FHOD3: variants seen among roughly 807,000 people sequenced by gnomAD.
The protein encoded by FHOD3 is FH1/FH2 domain-containing protein 3.
FHOD3 carries 90 observed loss-of-function variants against 173.0 expected under a neutral mutation model. The observed-to-expected ratio is 0.52, with a 90% CI of 0.44 to 0.62. The LOEUF (loss-of-function observed/expected upper bound fraction) is 0.62, where lower values mean the gene tolerates loss of function less well. FHOD3 is among the 20% of genes least tolerant of loss of function. The pLI, the probability that FHOD3 is intolerant of heterozygous loss-of-function variation, is 0.00. For synonymous variants in FHOD3, 828 were observed against 823.0 expected, an observed-to-expected ratio of 1.01 and a Z score of -0.10; for missense variants, 1,945 against 2,034.7, an observed-to-expected ratio of 0.96 and a Z score of 0.85.
intron 1 of FHOD3, among the ~76,000 whole-genome samples, chr18:36,304,576 A>G (rs1308325485): frequency 6.6e-6 from 1 of 152,016 alleles, no homozygotes; most frequent in East Asian, 1.9e-4. Flanking sequence ...TCATACCTCC[A>G]ATGATACTTT....
chr18:36,432,831 A>G (rs1001145010), intron 3 of FHOD3, among the ~76,000 whole-genome samples: 2 of 152,208 alleles, frequency 1.3e-5, no homozygotes, highest in Non-Finnish European at 2.9e-5. Flanking sequence ...GGAGCAAGGG[A>G]CAGCGTAGCT....
At chr18:36,407,092 C>T (rs552577040) in intron 3 of FHOD3, among the ~76,000 whole-genome samples, 1 of 152,308 alleles carries the variant, frequency 6.6e-6, no homozygotes, top group South Asian at 2.1e-4. Flanking sequence ...CCTCTGCTTT[C>T]CCTGTCAGTC....
chr18:36,470,167 A>G lies in FHOD3; in HGVS notation c.338-31765A>G, dbSNP rs114617254. 3.7e-3 allele frequency among the ~76,000 whole-genome samples: 563 copies of G among 152,078 alleles called. 1 individual carries two copies. Among genetic ancestry groups the G allele is most frequent in the African/African-American group, 0.013 (534 of 41,482 alleles). ...GTCCTAGGAACGTGGCAGTTAGCAT[A>G]CCCTTGTGAAGTCTGGAGGCCTCCG... On this transcript the variant is annotated intron_variant, in intron 3 of 28. Transcript: ENST00000590592.
chr18:36,706,793 A>G (rs1472042784), intron 17 of FHOD3, among the ~76,000 whole-genome samples: 1 of 152,214 alleles, frequency 6.6e-6, no homozygotes, highest in African/African-American at 2.4e-5. Flanking sequence ...CCATATGCTT[A>G]CCAATTAAAA....
intron 3 of FHOD3, among the ~76,000 whole-genome samples, chr18:36,447,721 G>A (rs1380970892): frequency 2.0e-5 from 3 of 152,196 alleles, no homozygotes; most frequent in Non-Finnish European, 2.9e-5. Flanking sequence ...GAAAGCAACC[G>A]TAATGTTTAA....
At chr18:36,375,592 G>A (rs1452779998) in intron 3 of FHOD3, among the ~76,000 whole-genome samples, 2 of 152,234 alleles carry the variant, frequency 1.3e-5, no homozygotes, top group African/African-American at 4.8e-5. Flanking sequence ...TGAGTTGGAG[G>A]TGAGGTGCTT....
At chr18:36,689,812 T>C (rs2038850131) in intron 16 of FHOD3, among the ~76,000 whole-genome samples, 1 of 152,036 alleles carries the variant, frequency 6.6e-6, no homozygotes, top group South Asian at 2.1e-4. Context: ...AAAGAAAAGG[T>C]TGGAACTGGG....
chr18:36,519,776 T>C (rs2146535272), intron 5 of FHOD3, among the ~76,000 whole-genome samples: 1 of 152,288 alleles, frequency 6.6e-6, no homozygotes, highest in Non-Finnish European at 1.5e-5. Context: ...CCTGAGCCCT[T>C]TACCTCATTG....
chr18:36,481,232 G>A (rs2053876801), intron 3 of FHOD3, among the ~76,000 whole-genome samples: 1 of 151,950 alleles, frequency 6.6e-6, no homozygotes, highest in South Asian at 2.1e-4. Context: ...TCTTTTCTTA[G>A]TAAATTGCCT....
intron 3 of FHOD3, among the ~76,000 whole-genome samples, chr18:36,416,325 GC>G (rs1202411313): frequency 6.6e-6 from 1 of 152,218 alleles, no homozygotes; most frequent in Non-Finnish European, 1.5e-5. Flanking sequence ...GAGCCACCAT[GC>G]CCACCCAGGT....
chr18:36,548,008 A>T (rs766631541), intron 5 of FHOD3, among the ~76,000 whole-genome samples: 5 of 152,240 alleles, frequency 3.3e-5, no homozygotes, highest in African/African-American at 4.8e-5. Flanking sequence ...CCTGGCCAAC[A>T]TGGTGAAACC....
intron 3 of FHOD3, among the ~76,000 whole-genome samples, chr18:36,423,664 T>C (rs1336801101): frequency 6.6e-6 from 1 of 152,178 alleles, no homozygotes; most frequent in Admixed American, 6.5e-5. Flanking sequence ...GTGTCAACAG[T>C]ACACACTTCT....
At position 36,755,326 on chromosome 18, in the gene FHOD3, A is replaced by G. The variant is rs780320903; in HGVS notation, c.4425+15A>G. The G allele has an allele frequency of 1.8e-5, 27 of 1,534,170 alleles. No homozygotes were observed. In the Admixed American group the frequency reaches 3.7e-4, roughly 21 times the overall value. The stretch of plus-strand genomic sequence containing the variant: ...TGATCACCGATGTAAGTTTCACACA[A>G]TCCCTCTCCTTATGTCATTCGTTTT... On this transcript the variant is annotated intron_variant, in intron 25 of 28. Transcript: ENST00000590592.
chr18:36,365,722 A>G (rs1482398453), intron 2 of FHOD3, among the ~76,000 whole-genome samples: 1 of 152,164 alleles, frequency 6.6e-6, no homozygotes, highest in Admixed American at 6.5e-5. Flanking sequence ...GGGAATGACT[A>G]TGGAAGAGAG....
chr18:36,626,371 C>T (rs1332059260), intron 10 of FHOD3, among the ~76,000 whole-genome samples: 7 of 151,878 alleles, frequency 4.6e-5, no homozygotes, highest in African/African-American at 1.2e-4. Flanking sequence ...GGAGGAAGAC[C>T]GAGAATGGTA....
At chr18:36,324,980 T>C (rs1474150053) in intron 1 of FHOD3, among the ~76,000 whole-genome samples, 1 of 152,234 alleles carries the variant, frequency 6.6e-6, no homozygotes, top group Non-Finnish European at 1.5e-5. Context: ...AATAGAATAC[T>C]GTACAGCCCT....
At chr18:36,486,573 A>T (rs2054203853) in intron 3 of FHOD3, among the ~76,000 whole-genome samples, 1 of 152,218 alleles carries the variant, frequency 6.6e-6, no homozygotes, top group African/African-American at 2.4e-5. Context: ...CATCTTATGG[A>T]TGGTATTATC....
chr18:36,434,275 A>G (rs1198726588), intron 3 of FHOD3, among the ~76,000 whole-genome samples: 1 of 152,198 alleles, frequency 6.6e-6, no homozygotes, highest in East Asian at 1.9e-4. Context: ...TAAGATATGG[A>G]TGTCTATTAA....
chr18:36,473,302 T>A (rs971148824), intron 3 of FHOD3, among the ~76,000 whole-genome samples: 2 of 152,214 alleles, frequency 1.3e-5, no homozygotes, highest in African/African-American at 4.8e-5. Context: ...TGATCCCAGC[T>A]GCTCAGGAGG....
Sources: allele counts gnomAD v4.1 joint callset (sites outside exome capture counted in the v4.1 genomes callset), GRCh38; gene constraint gnomAD v4.1.1; transcripts MANE v1.5; gene names NCBI Gene and HGNC (gene_info 2026-07-23, HGNC 2026-07-21).